DNAJC5: variants seen among roughly 807,000 people sequenced by gnomAD.
The protein encoded by DNAJC5 is dnaJ homolog subfamily C member 5.
Under a neutral mutation model 23.2 loss-of-function variants are expected in DNAJC5, and 1 was observed. That is an observed-to-expected ratio of 0.04 (90% confidence interval 0.02 to 0.20). DNAJC5 has a LOEUF of 0.20. Among genes scored for constraint, DNAJC5 ranks in the 10% least tolerant of loss-of-function variants. The probability of loss-of-function intolerance (pLI) is 1.00; values close to 1 mark genes in which losing one functional copy is unlikely to be tolerated. For missense variants in DNAJC5, 180 were observed against 267.0 expected (o/e 0.67, Z 2.27); for synonymous variants, 136 against 120.0 (o/e 1.13, Z -0.87).
At chr20:63,930,459 T>C (rs1034063698) in intron 3 of DNAJC5, among the ~76,000 whole-genome samples, 4 of 152,196 alleles carry the variant, frequency 2.6e-5, no homozygotes, top group Admixed American at 1.3e-4. Context: ...GCCATTCTCC[T>C]GCCTCTGCCT....
chr20:63,895,928 C>T (rs1268826663), intron 1 of DNAJC5, among the ~76,000 whole-genome samples: 2 of 152,202 alleles, frequency 1.3e-5, no homozygotes, highest in Admixed American at 1.3e-4. Flanking sequence ...ATTAGGAACT[C>T]GTCCGTTCAG....
At chr20:63,904,323 T>G (rs2053433421) in intron 1 of DNAJC5, among the ~76,000 whole-genome samples, 1 of 152,232 alleles carries the variant, frequency 6.6e-6, no homozygotes, top group Admixed American at 6.5e-5. Flanking sequence ...TCTTACGATG[T>G]GGTTTCTGTT....
At chr20:63,914,087 C>T (rs968306291) in intron 1 of DNAJC5, among the ~76,000 whole-genome samples, 8 of 152,118 alleles carry the variant, frequency 5.3e-5, no homozygotes, top group Non-Finnish European at 7.3e-5. Context: ...GGACGCTCAC[C>T]GTTGGCCGAG....
Position 63,929,215 on chromosome 20 carries a change from A to C in DNAJC5, c.108-97A>C. Reference sequence around the variant, plus strand: ...GGTGGCCTGGGTGGACCTGCCTTCCACTGCACCCGGCAGTGCGTGCGGGTG... The same window carrying C: ...GGTGGCCTGGGTGGACCTGCCTTCCCCTGCACCCGGCAGTGCGTGCGGGTG... On this transcript the variant is annotated intron_variant, in intron 2 of 4. Transcript: ENST00000360864. The surrounding 1 kb of genome is among the most constrained non-coding windows in gnomAD (Gnocchi z 8.6). The C allele has an allele frequency of 7.0e-7, 1 of 1,429,850 alleles. No homozygotes were observed. The highest frequency in any genetic ancestry group is 9.6e-7 in the Non-Finnish European group (1 of 1,037,418). 88.6% of individuals were successfully genotyped at this position (1,429,850 alleles called of 1,614,324 possible).
At position 63,928,536 on chromosome 20, in the gene DNAJC5, A is replaced by T; in HGVS notation, c.107+84A>T. On this transcript the variant is annotated intron_variant, in intron 2 of 4. Transcript: ENST00000360864. This position sits in a 1 kb window ranked among gnomAD's most constrained non-coding sequence, Gnocchi z 4.6. The stretch of plus-strand genomic sequence containing the variant: ...TTTAGTCTGCATTTTACCAAGAACC[A>T]TTGCACATACTTTATCCTGGCCGAC... 8.7e-7 allele frequency: 1 copy of T among 1,155,714 alleles called. No homozygotes were observed. 71.6% of individuals were successfully genotyped at this position (1,155,714 alleles called of 1,614,324 possible).
intron 1 of DNAJC5, among the ~76,000 whole-genome samples, chr20:63,897,263 G>C (rs145361892): frequency 6.6e-6 from 1 of 152,066 alleles, no homozygotes; most frequent in African/African-American, 2.4e-5. Flanking sequence ...GTGTGGTGGC[G>C]TGTGCCTGTA....
rs530888343 is a variant in DNAJC5 at position 63,934,988 on chromosome 20, G to T, written c.*3420G>T. 1.3e-5 allele frequency: 2 copies of T among 152,270 alleles called. No individual in the cohort carries two copies. The highest frequency in any genetic ancestry group is 2.9e-5 in the Non-Finnish European group (2 of 68,088). 9.4% of individuals were successfully genotyped at this position (152,270 alleles called of 1,614,324 possible). A position where few individuals can be genotyped will look rare whatever the true frequency, so the allele number is the denominator to read the frequency against. On this transcript the variant is annotated 3_prime_UTR_variant, in exon 5 of 5. Coordinates refer to ENST00000360864, the MANE Select transcript of DNAJC5 (RefSeq NM_025219.3). ...GTGCATCCTACTGTGGGGACATCTC[G>T]TGAGGGGACACGAAATGACTGATCT...
intron 1 of DNAJC5, among the ~76,000 whole-genome samples, chr20:63,899,237 C>T (rs1382724081): frequency 6.6e-6 from 1 of 152,170 alleles, no homozygotes; most frequent in East Asian, 1.9e-4. Context: ...ATGAAAATGC[C>T]ACCCCTAATC....
At chr20:63,895,850 A>G (rs1402114706) in intron 1 of DNAJC5, among the ~76,000 whole-genome samples, 1 of 152,254 alleles carries the variant, frequency 6.6e-6, no homozygotes, top group Non-Finnish European at 1.5e-5. Flanking sequence ...TTTGTTAGAA[A>G]AAACCTGTTT....
In DNAJC5 at chr20:63,932,392, T is replaced by C. The variant is rs1325938155; in HGVS notation, c.*824T>C. 1.3e-5 allele frequency: 2 copies of C among 152,752 alleles called. No homozygotes were observed. The highest frequency in any genetic ancestry group is 2.9e-5 in the Non-Finnish European group (2 of 68,102). The allele number at this position is 152,752 out of a possible 1,614,324, so 9.5% of individuals were successfully genotyped here. A position where few individuals can be genotyped will look rare whatever the true frequency, so the allele number is the denominator to read the frequency against. ...GTGTTCCTGCACTTTTCCCGGGCTC[T>C]GAGCTGGATTGATGGGGCCAGTCTC... On this transcript the variant is annotated 3_prime_UTR_variant, in exon 5 of 5. Coordinates refer to ENST00000360864, the MANE Select transcript of DNAJC5 (RefSeq NM_025219.3). The surrounding 1 kb of genome is among the most constrained non-coding windows in gnomAD (Gnocchi z 4.4).
intron 1 of DNAJC5, among the ~76,000 whole-genome samples, chr20:63,911,398 CTG>C (rs1006474950): frequency 4.5e-4 from 69 of 152,268 alleles, no homozygotes; most frequent in African/African-American, 1.6e-3. Flanking sequence ...CTGTGGCACT[CTG>C]TGTGTGAGCG....
In DNAJC5 at chr20:63,929,889, C is replaced by T. The variant is rs111838668; in HGVS notation, c.321+364C>T. ...CCTTTCTCCTCACCTGTGTGATGGG[C>T]GAAGCTCTGTCACTGGCTTGGTGTC... On this transcript the variant is annotated intron_variant, in intron 3 of 4. Coordinates refer to ENST00000360864, the MANE Select transcript of DNAJC5 (RefSeq NM_025219.3). The surrounding 1 kb of genome is among the most constrained non-coding windows in gnomAD (Gnocchi z 8.6). Among the ~76,000 whole-genome samples, 8,981 of 152,234 alleles carry T rather than the reference C, an allele frequency of 0.059. 450 individuals are homozygous for T. Among genetic ancestry groups the T allele is most frequent in the Non-Finnish European group, 0.079 (5,364 of 68,012 alleles).
Position 63,931,308 on chromosome 20 carries a change from C to G in DNAJC5, c.494-157C>G, listed in dbSNP as rs555548411. ...TGAGGGCCGAGGGCTGGCGGTGACCCAAGGCGACGGAGGAAAGCCGTGTGG... is the reference window on the plus strand; with the variant it reads ...TGAGGGCCGAGGGCTGGCGGTGACCGAAGGCGACGGAGGAAAGCCGTGTGG... On this transcript the variant is annotated intron_variant, in intron 4 of 4. Transcript: ENST00000360864. The surrounding 1 kb of genome is among the most constrained non-coding windows in gnomAD (Gnocchi z 9.6). 77 of 856,244 alleles carry G rather than the reference C, an allele frequency of 9.0e-5. No individual in the cohort carries two copies. The African/African-American group carries it at 1.0e-3, about 11-fold the overall frequency. The allele number at this position is 856,244 out of a possible 1,614,324, so 53.0% of individuals were successfully genotyped here.
Position 63,920,293 on chromosome 20 carries a change from G to A in DNAJC5, c.-11-8042G>A, listed in dbSNP as rs1018895526. ...GACGGCAGGTGCGTCAGGGGCTGAC[G>A]TGGGACCCGGCACTCTGTGCTCTGT... On this transcript the variant is annotated intron_variant, in intron 1 of 4. Coordinates refer to ENST00000360864, the MANE Select transcript of DNAJC5 (RefSeq NM_025219.3). The surrounding 1 kb of genome is among the most constrained non-coding windows in gnomAD (Gnocchi z 4.6). Among the ~76,000 whole-genome samples the A allele has an allele frequency of 6.6e-6, 1 of 152,258 alleles. No homozygotes were observed. Among genetic ancestry groups the A allele is most frequent in the African/African-American group, 2.4e-5 (1 of 41,468 alleles).
intron 1 of DNAJC5, among the ~76,000 whole-genome samples, chr20:63,923,247 G>T (rs950967270): frequency 2.0e-5 from 3 of 152,174 alleles, no homozygotes; most frequent in Non-Finnish European, 4.4e-5. Flanking sequence ...CTTGAGACCA[G>T]CCTGGGCAAC....
intron 1 of DNAJC5, among the ~76,000 whole-genome samples, chr20:63,907,957 G>A (rs1465438363): frequency 3.9e-5 from 6 of 152,108 alleles, no homozygotes; most frequent in African/African-American, 1.4e-4. Flanking sequence ...TAGTAGAGTC[G>A]GGGTTTCACC....
chr20:63,902,289 T>A (rs73624774), intron 1 of DNAJC5, among the ~76,000 whole-genome samples: 2 of 151,360 alleles, frequency 1.3e-5, no homozygotes, highest in Non-Finnish European at 2.9e-5. Context: ...CTCCTGACCT[T>A]GTGATCCGCC....
Position 63,931,525 on chromosome 20 carries a change from C to G in DNAJC5, c.554C>G (p.Thr185Arg). ...TCCGCCACCGAGACCACCCAGCTCACAGCCGACTCCCACCCCAGCTACCAC... is the reference window on the plus strand; with the variant it reads ...TCCGCCACCGAGACCACCCAGCTCAGAGCCGACTCCCACCCCAGCTACCAC... ...PASATETTQL[T>R]ADSHPSYHTD... Residue 185 changes from threonine (T) to arginine (R), a missense_variant, in exon 5 of 5, where the codon ACA becomes AGA. Transcript: ENST00000360864. The surrounding 1 kb of genome is among the most constrained non-coding windows in gnomAD (Gnocchi z 9.6). The G allele has an allele frequency of 6.3e-7, 1 of 1,583,980 alleles. No individual in the cohort carries two copies. Among genetic ancestry groups the G allele is most frequent in the Non-Finnish European group, 8.6e-7 (1 of 1,169,418 alleles).
rs2053562721 is a variant in DNAJC5 at position 63,920,631 on chromosome 20, A to G, written c.-11-7704A>G. 6.6e-6 allele frequency among the ~76,000 whole-genome samples: 1 copy of G among 152,224 alleles called. No homozygotes were observed. The highest frequency in any genetic ancestry group is 2.4e-5 in the African/African-American group (1 of 41,452). On this transcript the variant is annotated intron_variant, in intron 1 of 4. Transcript: ENST00000360864. The surrounding 1 kb of genome is among the most constrained non-coding windows in gnomAD (Gnocchi z 4.6). ...AGCAGAACGGACTGGGATACGCTGGATTTGTAAAACGTGACCCTTTTTGTT... is the reference window on the plus strand; with the variant it reads ...AGCAGAACGGACTGGGATACGCTGGGTTTGTAAAACGTGACCCTTTTTGTT...
Sources: allele counts gnomAD v4.1 joint callset (sites outside exome capture counted in the v4.1 genomes callset), GRCh38; gene constraint gnomAD v4.1.1; non-coding constraint Gnocchi (gnomAD v3.1); transcripts MANE v1.5; gene names NCBI Gene and HGNC (gene_info 2026-07-23, HGNC 2026-07-21).